The following CCL24 variants were observed in gnomAD, a reference collection of about 807,000 sequenced individuals.
CCL24 encodes C-C motif chemokine 24.
CCL24 carries 6 observed loss-of-function variants against 8.6 expected under a neutral mutation model. The ratio of observed to expected loss-of-function variants is 0.70; its 90% CI spans 0.38 to 1.38. The LOEUF is 1.38. CCL24 is among the 40% of genes most tolerant of loss of function. The pLI is 0.02. For missense variants in CCL24, 126 were observed against 147.1 expected, an observed-to-expected ratio of 0.86 and a Z score of 0.74; for synonymous variants, 59 against 52.7, an observed-to-expected ratio of 1.12 and a Z score of -0.52.
At chr7:75,820,033 T>A (rs1287259023) in intron 1 of CCL24, among the ~76,000 whole-genome samples, 3 of 131,324 alleles carry the variant, frequency 2.3e-5, no homozygotes, top group African/African-American at 8.4e-5. Flanking sequence ...TTCTTCTTCT[T>A]CTTCTTCTTC....
At chr7:75,812,024 T>G in intron 2 of CCL24, 60 bp from the exon 3 acceptor site, 1 of 1,449,610 alleles carries the variant, frequency 6.9e-7, no homozygotes, top group Admixed American at 1.9e-5. Context: ...GCCACTCCAC[T>G]TCATGGCGGG....
intron 2 of CCL24, among the ~76,000 whole-genome samples, chr7:75,812,621 T>C (rs1258012596): frequency 6.6e-6 from 1 of 152,156 alleles, no homozygotes; most frequent in Admixed American, 6.6e-5. Context: ...GTTATATATT[T>C]GGTGCTCAGT....
chr7:75,819,279 AAAAAAAAAAAAAAAAAAAAAAAAAATAT>A (rs1398233861), intron 1 of CCL24, among the ~76,000 whole-genome samples: 1 of 25,360 alleles, frequency 3.9e-5, no homozygotes, highest in Non-Finnish European at 7.0e-5. Flanking sequence ...AAAAAAAAAA[AAAAAAAAAAAAAAAAAAAAAAAAAATAT>A]ATATATATAT....
At chr7:75,822,501 C>T (rs1208077566) in intron 1 of CCL24, among the ~76,000 whole-genome samples, 1 of 152,160 alleles carries the variant, frequency 6.6e-6, no homozygotes, top group Non-Finnish European at 1.5e-5. Context: ...CCTCTGAACT[C>T]ATCTTATCCT....
chr7:75,811,204 T>C lies in CCL24; in HGVS notation c.*592A>G, dbSNP rs1213699797. On this transcript the variant is annotated 3_prime_UTR_variant, in exon 3 of 3. Transcript: ENST00000222902. ...AACATAAAAGTTTGAGTAGGCTGGG[T>C]GTGGTGGCTCATGCCTGTAATCCCA... Among the ~76,000 whole-genome samples the C allele has an allele frequency of 6.7e-6, 1 of 150,206 alleles. No homozygotes were observed. Among genetic ancestry groups the C allele is most frequent in the Non-Finnish European group, 1.5e-5 (1 of 67,602 alleles).
intron 1 of CCL24, among the ~76,000 whole-genome samples, chr7:75,820,554 G>A (rs1207267221): frequency 6.6e-6 from 1 of 152,094 alleles, no homozygotes; most frequent in Non-Finnish European, 1.5e-5. Context: ...CAAGGGAGGT[G>A]TTTCAGGTAT....
In CCL24 at chr7:75,811,786, T is replaced by C. The variant is rs1554533462; in HGVS notation, c.*10A>G. ...AGGCCCAAACTCAGGGCTGGAGGGC[T>C]GGGCGGGGATTAGCAGGTGGTTTGG... On this transcript the variant is annotated 3_prime_UTR_variant, in exon 3 of 3. Coordinates refer to ENST00000222902, the MANE Select transcript of CCL24 (RefSeq NM_002991.3). 6.2e-7 allele frequency: 1 copy of C among 1,611,442 alleles called. No homozygotes were observed. The highest frequency in any genetic ancestry group is 2.2e-5 in the East Asian group (1 of 44,772).
rs898447296 is a variant in CCL24 at position 75,812,197 on chromosome 7, G to A, written c.192-233C>T. ...ATTCCCAGGCTCAAGCTGTCCTCCC[G>A]CCTTAGCCTCCTGAGTAGCTGGGAC... On this transcript the variant is annotated intron_variant, in intron 2 of 2. Transcript: ENST00000222902. 2.0e-5 allele frequency among the ~76,000 whole-genome samples: 3 copies of A among 151,958 alleles called. No individual in the cohort carries two copies. In the South Asian group the frequency reaches 6.3e-4, roughly 32 times the overall value.
chr7:75,813,719 TCA>T lies in CCL24; in HGVS notation c.-6_-5del. 1 of 1,613,436 alleles carries T rather than the reference TCA, an allele frequency of 6.2e-7. No homozygotes were observed. Among genetic ancestry groups the T allele is most frequent in the Non-Finnish European group, 8.5e-7 (1 of 1,179,456 alleles). On this transcript the variant is annotated 5_prime_UTR_variant, in exon 1 of 3. Transcript: ENST00000222902. Reference sequence around the variant, plus strand: ...CTATGGTCATCAGGCCTGCCATGTCTCAGAGAGCAGAAGCACCAGCTCGGGGC... The same window carrying T: ...CTATGGTCATCAGGCCTGCCATGTCTGAGAGCAGAAGCACCAGCTCGGGGC...
rs1204717433 is a variant in CCL24 at position 75,820,018 on chromosome 7, A to ACTTCTTCTTCTT, written c.-60+3292_-60+3303dup. Among the ~76,000 whole-genome samples, 1,046 of 104,644 alleles carry ACTTCTTCTTCTT rather than the reference A, an allele frequency of 1.0e-2. 19 individuals carry two copies. The highest frequency in any genetic ancestry group is 0.017 in the East Asian group (53 of 3,130). 68.7% of individuals were successfully genotyped at this position (104,644 alleles called of 152,430 possible). On this transcript the variant is annotated intron_variant, in intron 1 of 3. Coordinates refer to the CCL24 transcript ENST00000416943. Reference sequence around the variant, plus strand: ...CGGATGTAAGGGCTTTTAGTAAACTACTTCTTCTTCTTCTTCTTCTTCTTC... The same window carrying ACTTCTTCTTCTT: ...CGGATGTAAGGGCTTTTAGTAAACTACTTCTTCTTCTTCTTCTTCTTCTTCTTCTTCTTCTTC...
intron 2 of CCL24, among the ~76,000 whole-genome samples, chr7:75,812,216 C>T (rs1585027318): frequency 6.6e-6 from 1 of 151,980 alleles, no homozygotes; most frequent in Non-Finnish European, 1.5e-5. Flanking sequence ...TCCTGAGTAG[C>T]TGGGACTACA....
intron 1 of CCL24, among the ~76,000 whole-genome samples, chr7:75,820,142 CCTCCTCCTCCTTCTCCTTCTCCTT>C (rs1189224144): frequency 1.7e-5 from 2 of 114,618 alleles, no homozygotes; most frequent in Non-Finnish European, 3.7e-5. Flanking sequence ...TCCTCCTCCT[CCTCCTCCTCCTTCTCCTTCTCCTT>C]CTCCTTCTCC....
chr7:75,813,704 C>T lies in CCL24; in HGVS notation c.12G>A (p.Leu4=). MAG[L]MTIVTSLLFL... is the part of the protein sequence containing the mutation. ...ACAGAAGGCTGGTTACTATGGTCAT[C>T]AGGCCTGCCATGTCTCAGAGAGCAG... The change falls in exon 1 of 3, where the codon CTG becomes CTA. Residue 4 remains leucine, a synonymous_variant. Coordinates refer to ENST00000222902, the MANE Select transcript of CCL24 (RefSeq NM_002991.3). The T allele has an allele frequency of 6.2e-7, 1 of 1,613,938 alleles. No homozygotes were observed. Among genetic ancestry groups the T allele is most frequent in the Non-Finnish European group, 8.5e-7 (1 of 1,179,846 alleles).
At chr7:75,820,133 C>CTTCTTCTTCTTCTT (rs1563354037) in intron 1 of CCL24, among the ~76,000 whole-genome samples, 15 of 78,606 alleles carry the variant, frequency 1.9e-4, no homozygotes, top group African/African-American at 3.7e-4. Flanking sequence ...TTCTTCTTCT[C>CTTCTTCTTCTTCTT]CTCCTCCTCC....
chr7:75,811,386 C>G lies in CCL24; in HGVS notation c.*410G>C, dbSNP rs60777606. Among the ~76,000 whole-genome samples the G allele has an allele frequency of 6.6e-6, 1 of 150,688 alleles. No homozygotes were observed. The highest frequency in any genetic ancestry group is 2.4e-5 in the African/African-American group (1 of 40,904). On this transcript the variant is annotated 3_prime_UTR_variant, in exon 3 of 3. Transcript: ENST00000222902. ...CCCAGGTACTCGGGAGGCTGAGGCA[C>G]GAGAATCACTTGAACCCAGGAGGCG...
upstream of CCL24, among the ~76,000 whole-genome samples, chr7:75,818,444 C>A: frequency 7.8e-6 from 1 of 127,602 alleles, no homozygotes; most frequent in East Asian, 2.3e-4. Flanking sequence ...GAGACTCCGT[C>A]TCAAAAAAAA....
chr7:75,819,880 C>T (rs778160569), intron 1 of CCL24, among the ~76,000 whole-genome samples: 72 of 152,010 alleles, frequency 4.7e-4, no homozygotes, highest in Admixed American at 2.0e-3. Context: ...GCCTGGGCAA[C>T]TTGCTCACTC....
chr7:75,820,576 C>A (rs1804025139), intron 1 of CCL24, among the ~76,000 whole-genome samples: 1 of 151,904 alleles, frequency 6.6e-6, no homozygotes, highest in Admixed American at 6.6e-5. Context: ...CATCCATCCA[C>A]CTACCCATTA....
chr7:75,820,923 T>TCATCCATCCATC (rs150165581), intron 1 of CCL24, among the ~76,000 whole-genome samples: 21 of 144,350 alleles, frequency 1.5e-4, no homozygotes, highest in African/African-American at 2.8e-4. Context: ...ATCCATCAAT[T>TCATCCATCCATC]CATCCATCCA....
Sources: allele counts gnomAD v4.1 joint callset (sites outside exome capture counted in the v4.1 genomes callset), GRCh38; gene constraint gnomAD v4.1.1; transcripts MANE v1.5; gene names NCBI Gene and HGNC (gene_info 2026-07-23, HGNC 2026-07-21).